The following TPR variants were observed in gnomAD, a reference collection of about 807,000 sequenced individuals.
The protein encoded by TPR is translocated promoter region, nuclear basket protein.
A neutral mutation model predicts 316.1 loss-of-function variants in TPR; 51 were observed. That is an observed-to-expected ratio of 0.16 (90% confidence interval 0.13 to 0.20). The LOEUF (loss-of-function observed/expected upper bound fraction) is 0.20, where lower values mean the gene tolerates loss of function less well. Ranked by LOEUF, TPR falls within the 10% of genes least tolerant of loss-of-function variation. The probability of loss-of-function intolerance (pLI) is 1.00; values close to 1 mark genes in which losing one functional copy is unlikely to be tolerated. For synonymous variants in TPR, 981 were observed against 914.7 expected, an observed-to-expected ratio of 1.07 and a Z score of -1.31; for missense variants, 2,272 against 2,754.8, an observed-to-expected ratio of 0.82 and a Z score of 3.92.
intron 45 of TPR, 82 bp from the exon 46 acceptor site, chr1:186,320,500 G>A (rs751824817): frequency 1.3e-4 from 150 of 1,185,674 alleles, no homozygotes; most frequent in Non-Finnish European, 1.5e-4. Context: ...ATAGGAAGAA[G>A]GAAGAATGAA....
intron 4 of TPR, among the ~76,000 whole-genome samples, chr1:186,364,358 G>T (rs778571415): frequency 2.6e-5 from 4 of 150,996 alleles, no homozygotes; most frequent in Non-Finnish European, 5.9e-5. Flanking sequence ...CAAGACAAAT[G>T]AATCCAGTAT....
intron 4 of TPR, 72 bp downstream of exon 4, chr1:186,367,814 A>G (rs993263568): frequency 7.6e-6 from 8 of 1,057,328 alleles, no homozygotes; most frequent in South Asian, 1.4e-5. Context: ...AAATGGGCTG[A>G]GCACTAACTC....
rs749186296 is a variant in TPR, at chr1:186,335,446, C to T, written c.4803G>A (p.Ala1601=). ...QKDELDVRIT[A]LKSQYEGRIS... ...TTCGACCTTCATATTGGGACTTTAG[C>T]GCAGTAATGCGAACATCCAATTCAT... Residue 1601 remains alanine, a synonymous_variant, in exon 34 of 51, where the codon GCG becomes GCA. Transcript: ENST00000367478. 7.4e-6 allele frequency: 12 copies of T among 1,613,710 alleles called. No homozygotes were observed. Among genetic ancestry groups the T allele is most frequent in the East Asian group, 6.7e-5 (3 of 44,864 alleles).
Position 186,362,300 on chromosome 1 carries a change from G to T in TPR, c.777C>A (p.Thr259=). 1 of 1,611,030 alleles carries T rather than the reference G, an allele frequency of 6.2e-7. No individual in the cohort carries two copies. The highest frequency in any genetic ancestry group is 8.5e-7 in the Non-Finnish European group (1 of 1,177,940). The change falls in exon 7 of 51, where the codon ACC becomes ACA. Residue 259 remains threonine (T), a synonymous_variant. Coordinates refer to ENST00000367478, the MANE Select transcript of TPR (RefSeq NM_003292.3). ...HLQKHVEDLL[T]KLKEAKEQQA... is the part of the protein sequence containing the mutation. Reference sequence around the variant, plus strand: ...TGGTCATATATACCTCTTTTAATTTGGTCAACAGATCCTCCACATGCTTTT... The same window carrying T: ...TGGTCATATATACCTCTTTTAATTTTGTCAACAGATCCTCCACATGCTTTT...
chr1:186,316,401 G>C (rs1657613754), intron 49 of TPR, among the ~76,000 whole-genome samples: 1 of 152,176 alleles, frequency 6.6e-6, no homozygotes, highest in Non-Finnish European at 1.5e-5. Flanking sequence ...TCACATCAAA[G>C]CAGCTGAGAA....
Position 186,320,397 on chromosome 1 carries a change from G to A in TPR, c.6483C>T (p.Val2161=), listed in dbSNP as rs1405616539. The change falls in exon 46 of 51, where the codon GTC becomes GTT. Residue 2161 remains valine (V), a synonymous_variant. Coordinates refer to ENST00000367478, the MANE Select transcript of TPR (RefSeq NM_003292.3). ...EAIHSPQVAG[V]PRFRFGPPED... ...CAGGTGGCCCAAACCGGAATCTAGG[G>A]ACACCAGCAACCTGCGGCGAACTAA... is the stretch of plus-strand genomic sequence containing the variant. The A allele has an allele frequency of 6.2e-7, 1 of 1,611,938 alleles. No homozygotes were observed. Among genetic ancestry groups the A allele is most frequent in the South Asian group, 1.1e-5 (1 of 90,808 alleles).
At chr1:186,362,446 T>C in intron 6 of TPR, 66 bp from the exon 7 acceptor site, 2 of 1,270,188 alleles carry the variant, frequency 1.6e-6, no homozygotes, top group Non-Finnish European at 2.2e-6. Flanking sequence ...TGACATGAGG[T>C]TTATGCTGCT....
intron 21 of TPR, among the ~76,000 whole-genome samples, chr1:186,348,065 T>C (rs1658734661): frequency 6.6e-6 from 1 of 152,146 alleles, no homozygotes; most frequent in Non-Finnish European, 1.5e-5. Context: ...ATAATAGCAA[T>C]TTTTATGGAA....
chr1:186,336,991 C>G (rs1394497883), intron 32 of TPR, 22 bp downstream of exon 32: 11 of 1,613,234 alleles, frequency 6.8e-6, no homozygotes, highest in Middle Eastern at 1.7e-4. Flanking sequence ...GAATTAGGAA[C>G]AGACTGTTCT....
intron 21 of TPR, among the ~76,000 whole-genome samples, chr1:186,349,176 A>G (rs1658770084): frequency 6.6e-6 from 1 of 152,212 alleles, no homozygotes; most frequent in Non-Finnish European, 1.5e-5. Flanking sequence ...TACAGTTGGG[A>G]AAAATCATCT....
At position 186,322,503 on chromosome 1, in the gene TPR, T is replaced by G; in HGVS notation, c.6366+15A>C. ...CAAGAAATGAATTACTTTTACATAA[T>G]GGGTAAGTACTTACCATGCCACCTA... On this transcript the variant is annotated intron_variant, in intron 44 of 50. Transcript: ENST00000367478. 1 of 1,613,610 alleles carries G rather than the reference T, an allele frequency of 6.2e-7. No individual in the cohort carries two copies. Among genetic ancestry groups the G allele is most frequent in the Non-Finnish European group, 8.5e-7 (1 of 1,179,556 alleles).
chr1:186,344,606 C>A (rs766620566), intron 24 of TPR, 28 bp from the exon 25 acceptor site: 1 of 1,445,838 alleles, frequency 6.9e-7, no homozygotes, highest in Non-Finnish European at 9.1e-7. Context: ...CCAATTGATA[C>A]CAAAGATTAA....
rs370685617 is a variant in TPR at position 186,361,872 on chromosome 1, G to GA, written c.790-4dup. 1,112 of 1,611,002 alleles carry GA rather than the reference G, an allele frequency of 6.9e-4. 8 individuals are homozygous for GA. In the African/African-American group the frequency reaches 0.013, roughly 19 times the overall value. On this transcript the variant is annotated splice_polypyrimidine_tract_variant and splice_region_variant and intron_variant, in intron 7 of 50. Transcript: ENST00000367478. The stretch of plus-strand genomic sequence containing the variant: ...ATACTGGCCTGTTGTTCCTTGGCCT[G>GA]AAAAAAATAGCCCAATTATAGCAGT...
Position 186,323,872 on chromosome 1 carries a change from T to C in TPR, c.6113-2A>G. ...CTGCAGCACCTGTATTTCCTTCACC[T>C]GTAGGAAAAGAGAAATTTACTTTTG... On this transcript the variant is annotated splice_acceptor_variant, in intron 42 of 50. Transcript: ENST00000367478. LOFTEE classifies it high-confidence loss of function. 6.6e-7 allele frequency: 1 copy of C among 1,525,870 alleles called. No homozygotes were observed. Among genetic ancestry groups the C allele is most frequent in the South Asian group, 1.3e-5 (1 of 74,630 alleles). The allele number at this position is 1,525,870 out of a possible 1,614,324, so 94.5% of individuals were successfully genotyped here. A position where few individuals can be genotyped will look rare whatever the true frequency, so the allele number is the denominator to read the frequency against.
intron 48 of TPR, among the ~76,000 whole-genome samples, chr1:186,318,205 T>C (rs146415155): frequency 5.1e-4 from 77 of 152,108 alleles, no homozygotes; most frequent in African/African-American, 1.8e-3. Context: ...GGCGGGTGCC[T>C]GTAATCCCAG....
At chr1:186,327,745 G>C (rs545461423) in intron 39 of TPR, 85 bp from the exon 40 acceptor site, 2 of 1,207,410 alleles carry the variant, frequency 1.7e-6, no homozygotes, top group East Asian at 4.8e-5. Context: ...ATAGGTCAAA[G>C]TAAAGAATAA....
chr1:186,362,899 C>G lies in TPR; in HGVS notation c.634G>C (p.Gly212Arg), dbSNP rs754044858. ...AGAATCTCATTCCCTTTTTCTCTTC[C>G]AAGAGCCAGAAGTTCATCAGTTTTG... ...KTKTDELLAL[G>R]REKGNEILEL... The change falls in exon 6 of 51, where the codon GGA becomes CGA. Residue 212 changes from glycine (G) to arginine (R), a missense_variant. Coordinates refer to ENST00000367478, the MANE Select transcript of TPR (RefSeq NM_003292.3). 1 of 1,610,304 alleles carries G rather than the reference C, an allele frequency of 6.2e-7. No individual in the cohort carries two copies. Among genetic ancestry groups the G allele is most frequent in the South Asian group, 1.1e-5 (1 of 90,728 alleles).
At position 186,370,975 on chromosome 1, in the gene TPR, T is replaced by C. The variant is rs762094209; in HGVS notation, c.325A>G (p.Ile109Val). The C allele has an allele frequency of 6.2e-7, 1 of 1,611,944 alleles. No individual in the cohort carries two copies. Among genetic ancestry groups the C allele is most frequent in the Non-Finnish European group, 8.5e-7 (1 of 1,178,552 alleles). Residue 109 changes from isoleucine to valine, a missense_variant, in exon 3 of 51, where the codon ATT (isoleucine) becomes GTT (valine). Physicochemically the swap from Ile to Val is conservative, Grantham distance 29. Transcript: ENST00000367478. ...LEIAQDRNIAIQSQFTRTKEE... is the reference protein window; with the variant it reads ...LEIAQDRNIAVQSQFTRTKEE... ...TTCTAAGAAATATCTCTTACCTGAA[T>C]GGCAATATTGCGATCCTGAGCAATT...
Position 186,335,659 on chromosome 1 carries a change from G to A in TPR, c.4706-116C>T, listed in dbSNP as rs1451000144. 2.4e-5 allele frequency: 17 copies of A among 710,310 alleles called. No homozygotes were observed. In the East Asian group the frequency reaches 4.5e-4, roughly 19 times the overall value. The allele number at this position is 710,310 out of a possible 1,614,324, so 44.0% of individuals were successfully genotyped here. On this transcript the variant is annotated intron_variant, in intron 33 of 50. Coordinates refer to ENST00000367478, the MANE Select transcript of TPR (RefSeq NM_003292.3). ...TTCTACTACTATAACATCTACATTA[G>A]TTATGATACATCATACATCTCAATG...
Sources: allele counts gnomAD v4.1 joint callset (sites outside exome capture counted in the v4.1 genomes callset), GRCh38; gene constraint gnomAD v4.1.1; transcripts MANE v1.5; gene names NCBI Gene and HGNC (gene_info 2026-07-23, HGNC 2026-07-21).